The following PTCHD4 variants were observed in gnomAD, a reference collection of about 807,000 sequenced individuals.
PTCHD4 encodes patched domain containing 4, also known as patched domain-containing protein 4.
PTCHD4 carries 33 observed loss-of-function variants against 58.1 expected under a neutral mutation model. The ratio of observed to expected loss-of-function variants is 0.57; its 90% CI spans 0.43 to 0.76. The LOEUF (loss-of-function observed/expected upper bound fraction) is 0.76. PTCHD4 is among the 30% of genes least tolerant of loss of function. The pLI is 0.00. For missense variants in PTCHD4, 1,058 were observed against 1,027.1 expected (o/e 1.03, Z -0.41); for synonymous variants, 478 against 409.6 (o/e 1.17, Z -2.02).
intron 4 of PTCHD4, among the ~76,000 whole-genome samples, chr6:47,895,142 A>AAC (rs1764495485): frequency 1.0e-4 from 2 of 19,136 alleles, no homozygotes; most frequent in Non-Finnish European, 1.5e-4. Flanking sequence ...CTCAAAAAAG[A>AAC]AAAAAAAAGA....
intron 4 of PTCHD4, among the ~76,000 whole-genome samples, chr6:47,946,011 T>A (rs976472217): frequency 6.6e-6 from 1 of 151,938 alleles, no homozygotes; most frequent in African/African-American, 2.4e-5. Flanking sequence ...ATACTTTTAA[T>A]TACAAACAAA....
At chr6:47,975,280 G>A (rs943353883) in intron 4 of PTCHD4, among the ~76,000 whole-genome samples, 1 of 152,158 alleles carries the variant, frequency 6.6e-6, no homozygotes, top group African/African-American at 2.4e-5. Context: ...AATGCTTCCT[G>A]TCATGGATTC....
chr6:48,092,353 A>AT (rs909866405), intron 1 of PTCHD4, among the ~76,000 whole-genome samples: 1 of 152,112 alleles, frequency 6.6e-6, no homozygotes, highest in Non-Finnish European at 1.5e-5. Context: ...TAAACTATCT[A>AT]TTTTTTATTT....
chr6:48,020,793 A>T (rs181943920), intron 3 of PTCHD4, among the ~76,000 whole-genome samples: 70 of 152,228 alleles, frequency 4.6e-4, no homozygotes, highest in African/African-American at 1.6e-3. Flanking sequence ...CATGATCTCC[A>T]CTACTATGTA....
At chr6:47,937,363 C>T (rs1003852095) in intron 4 of PTCHD4, among the ~76,000 whole-genome samples, 5 of 152,046 alleles carry the variant, frequency 3.3e-5, no homozygotes, top group African/African-American at 1.2e-4. Flanking sequence ...GAGGGTGTGG[C>T]CACGTTTTGA....
Position 47,986,529 on chromosome 6 carries a change from CCTGCCT to C in PTCHD4, c.898+22099_898+22104del, listed in dbSNP as rs1156738489. On this transcript the variant is annotated intron_variant, in intron 4 of 4. Transcript: ENST00000339488. ...TATTGTCAGGACAATATGTTGGTAG[CCTGCCT>C]CCTGAGGTATTAGTTAAGAATCTTT... Among the ~76,000 whole-genome samples, 3 of 152,190 alleles carry C rather than the reference CCTGCCT, an allele frequency of 2.0e-5. No individual in the cohort carries two copies. In the East Asian group the frequency reaches 5.8e-4, roughly 29 times the overall value.
At chr6:47,892,009 A>G (rs936547276) in intron 4 of PTCHD4, among the ~76,000 whole-genome samples, 6 of 152,196 alleles carry the variant, frequency 3.9e-5, no homozygotes, top group African/African-American at 1.4e-4. Context: ...ACTAAAAGGG[A>G]TGGCTTCCTG....
chr6:47,971,192 C>G (rs1767491800), intron 4 of PTCHD4, among the ~76,000 whole-genome samples: 1 of 151,922 alleles, frequency 6.6e-6, no homozygotes, highest in Non-Finnish European at 1.5e-5. Context: ...TTGAAAAGAA[C>G]AGAAAGAACA....
intron 3 of PTCHD4, among the ~76,000 whole-genome samples, chr6:48,026,773 T>A (rs559212194): frequency 1.1e-3 from 167 of 152,276 alleles, no homozygotes; most frequent in African/African-American, 3.9e-3. Context: ...CCTAGACAGC[T>A]GCTAGATGTA....
At chr6:48,017,644 C>A (rs1419069921) in intron 3 of PTCHD4, among the ~76,000 whole-genome samples, 1 of 152,102 alleles carries the variant, frequency 6.6e-6, no homozygotes, top group African/African-American at 2.4e-5. Context: ...CTTCCAATTG[C>A]TCTATGAAGA....
chr6:47,857,440 A>G lies in PTCHD4; in HGVS notation c.*20863T>C, dbSNP rs1763331312. Among the ~76,000 whole-genome samples, 1 of 152,070 alleles carries G rather than the reference A, an allele frequency of 6.6e-6. No homozygotes were observed. The highest frequency in any genetic ancestry group is 1.5e-5 in the Non-Finnish European group (1 of 67,994). Reference sequence around the variant, plus strand: ...ACTGCAGCAAGACGGTATCACACTGACTTCCTGATCATGTCCTTTTGGCAA... The same window carrying G: ...ACTGCAGCAAGACGGTATCACACTGGCTTCCTGATCATGTCCTTTTGGCAA... On this transcript the variant is annotated 3_prime_UTR_variant, in exon 5 of 5. Transcript: ENST00000339488.
chr6:48,085,924 C>A (rs1765255177), intron 1 of PTCHD4, among the ~76,000 whole-genome samples: 1 of 151,684 alleles, frequency 6.6e-6, no homozygotes, highest in South Asian at 2.1e-4. Flanking sequence ...AACTTTTTTT[C>A]ATCTAATTTG....
chr6:48,001,183 T>A (rs1046881281), intron 4 of PTCHD4, among the ~76,000 whole-genome samples: 7 of 152,084 alleles, frequency 4.6e-5, no homozygotes, highest in Non-Finnish European at 8.8e-5. Flanking sequence ...CATACTGCCC[T>A]AGGTAATTTA....
At chr6:47,972,563 A>C (rs1422237781) in intron 4 of PTCHD4, among the ~76,000 whole-genome samples, 1 of 152,102 alleles carries the variant, frequency 6.6e-6, no homozygotes, top group Non-Finnish European at 1.5e-5. Flanking sequence ...CATTGTATAA[A>C]GTTTAGCAAA....
At chr6:48,036,804 T>A (rs985759682) in intron 3 of PTCHD4, among the ~76,000 whole-genome samples, 1 of 152,150 alleles carries the variant, frequency 6.6e-6, no homozygotes, top group Admixed American at 6.6e-5. Context: ...AATTTTCTAT[T>A]CATGAAATTG....
At chr6:47,917,092 GTA>G (rs1371727631) in intron 4 of PTCHD4, among the ~76,000 whole-genome samples, 1 of 151,854 alleles carries the variant, frequency 6.6e-6, no homozygotes, top group African/African-American at 2.4e-5. Flanking sequence ...AATTTAATTT[GTA>G]TCTTTTTTCC....
intron 4 of PTCHD4, among the ~76,000 whole-genome samples, chr6:47,916,368 T>G (rs187177853): frequency 5.8e-4 from 88 of 152,164 alleles, no homozygotes; most frequent in African/African-American, 2.0e-3. Flanking sequence ...TGACCCTCTT[T>G]GAGGGAATCC....
At chr6:48,000,895 C>CT (rs1561999208) in intron 4 of PTCHD4, among the ~76,000 whole-genome samples, 1 of 151,966 alleles carries the variant, frequency 6.6e-6, no homozygotes, top group Non-Finnish European at 1.5e-5. Context: ...ATATTAATTT[C>CT]TTTTTAATGC....
chr6:47,888,235 T>C (rs2114117152), intron 4 of PTCHD4, among the ~76,000 whole-genome samples: 1 of 152,134 alleles, frequency 6.6e-6, no homozygotes, highest in East Asian at 1.9e-4. Flanking sequence ...TGGGCGCCTA[T>C]AGTCCCAGCT....
Sources: allele counts gnomAD v4.1 joint callset (sites outside exome capture counted in the v4.1 genomes callset), GRCh38; gene constraint gnomAD v4.1.1; transcripts MANE v1.5; gene names NCBI Gene and HGNC (gene_info 2026-07-23, HGNC 2026-07-21).